Variants in STAT1 observed in about 807,000 individuals in gnomAD.
STAT1 encodes the protein signal transducer and activator of transcription 1-alpha/beta.
Under a neutral mutation model 111.7 loss-of-function variants are expected in STAT1, and 24 were observed. The ratio of observed to expected loss-of-function variants is 0.21; its 90% CI spans 0.16 to 0.30. The LOEUF (loss-of-function observed/expected upper bound fraction) is 0.30. STAT1 is among the 10% of genes least tolerant of loss of function. The pLI is 1.00. For missense variants in STAT1, 351 were observed against 911.9 expected (o/e 0.38, Z 7.92); for synonymous variants, 332 against 326.5 (o/e 1.02, Z -0.18).
In STAT1 at chr2:190,979,555, T is replaced by C. The variant is rs75111204; in HGVS notation, c.1727+217A>G. 6.6e-6 allele frequency among the ~76,000 whole-genome samples: 1 copy of C among 151,866 alleles called. No homozygotes were observed. The highest frequency in any genetic ancestry group is 1.9e-4 in the East Asian group (1 of 5,178). ...GCACTCAAGAGTTGTTTTTTTTTTT[T>C]AATTTAGCTTTGCCAATACATATAC... On this transcript the variant is annotated intron_variant, in intron 20 of 24. Coordinates refer to ENST00000361099, the MANE Select transcript of STAT1 (RefSeq NM_007315.4). The surrounding 1 kb of genome is among the most constrained non-coding windows in gnomAD (Gnocchi z 5.8).
At chr2:191,013,384 TG>T (rs1291640717) in intron 2 of STAT1, 140 bp downstream of exon 2, 10 of 329,630 alleles carry the variant, frequency 3.0e-5, no homozygotes, top group Non-Finnish European at 4.9e-5. Flanking sequence ...TATATTATTT[TG>T]GGGTGGGGGG....
Position 190,969,792 on chromosome 2 carries a change from A to T in STAT1, c.*911T>A, listed in dbSNP as rs2124974295. ...CTAATAGACTAAATACCACCCTAAT[A>T]ACAAAAAGGACAAAGTAGCCCATTT... On this transcript the variant is annotated 3_prime_UTR_variant, in exon 25 of 25. Transcript: ENST00000361099. 6.6e-6 allele frequency: 1 copy of T among 152,330 alleles called. No individual in the cohort carries two copies. The highest frequency in any genetic ancestry group is 2.4e-5 in the African/African-American group (1 of 41,580). The allele number at this position is 152,330 out of a possible 1,614,324, so 9.4% of individuals were successfully genotyped here.
In STAT1 at chr2:190,978,529, C is replaced by T. The variant is rs1413483616; in HGVS notation, c.1873+327G>A. ...CCCTAAGAGAATGTGGATGCTTACT[C>T]CTGTGGGAAATGTGATTCCTTCCAA... On this transcript the variant is annotated intron_variant, in intron 21 of 24. Transcript: ENST00000361099. This position sits in a 1 kb window ranked among gnomAD's most constrained non-coding sequence, Gnocchi z 6.1. 2 of 385,814 alleles carry T rather than the reference C, an allele frequency of 5.2e-6. No individual in the cohort carries two copies. Among genetic ancestry groups the T allele is most frequent in the East Asian group, 6.3e-5 (1 of 15,790 alleles). 23.9% of individuals were successfully genotyped at this position (385,814 alleles called of 1,614,324 possible). A position where few individuals can be genotyped will look rare whatever the true frequency, so the allele number is the denominator to read the frequency against.
At chr2:190,985,193 C>T (rs1398727736) in intron 15 of STAT1, among the ~76,000 whole-genome samples, 2 of 152,334 alleles carry the variant, frequency 1.3e-5, no homozygotes, top group Non-Finnish European at 2.9e-5. Context: ...GATGCAAAGG[C>T]AATGCTTTTG....
Position 190,982,336 on chromosome 2 carries a change from T to G in STAT1, c.1582+47A>C. 6.2e-7 allele frequency: 1 copy of G among 1,607,678 alleles called. No homozygotes were observed. Among genetic ancestry groups the G allele is most frequent in the Non-Finnish European group, 8.5e-7 (1 of 1,174,494 alleles). ...GAAAAGAGCAATTAGAGAGATATTT[T>G]TATGAATTTCAATTTTTATAAACAT... On this transcript the variant is annotated intron_variant, in intron 18 of 24. Transcript: ENST00000361099. This position sits in a 1 kb window ranked among gnomAD's most constrained non-coding sequence, Gnocchi z 7.3.
At position 190,991,257 on chromosome 2, in the gene STAT1, C is replaced by T. The variant is rs1289361621; in HGVS notation, c.1008G>A (p.Lys336=). 2 of 1,614,062 alleles carry T rather than the reference C, an allele frequency of 1.2e-6. No homozygotes were observed. The highest frequency in any genetic ancestry group is 2.7e-5 in the African/African-American group (2 of 74,924). The change falls in exon 11 of 25, where the codon AAG becomes AAA. Residue 336 remains lysine (K), a synonymous_variant. Coordinates refer to ENST00000361099, the MANE Select transcript of STAT1 (RefSeq NM_007315.4). ...ACTTCACAGTGAACTGGACCCCTGTCTTCAAGACCAGCGGCCTCTGAGGGT... is the reference window on the plus strand; with the variant it reads ...ACTTCACAGTGAACTGGACCCCTGTTTTCAAGACCAGCGGCCTCTGAGGGT... The part of the protein sequence containing the change: ...PTHPQRPLVL[K]TGVQFTVKLR...
At position 190,975,533 on chromosome 2, in the gene STAT1, T is replaced by C. The variant is rs539164572; in HGVS notation, c.2135+279A>G. On this transcript the variant is annotated intron_variant, in intron 23 of 24. Transcript: ENST00000361099. The surrounding 1 kb of genome is among the most constrained non-coding windows in gnomAD (Gnocchi z 5.9). ...AGATTGAAAAGAACTACTTTCCCAC[T>C]CTGATCAACTTTTGCTCATTTTATT... 1 of 1,301,918 alleles carries C rather than the reference T, an allele frequency of 7.7e-7. No homozygotes were observed. The highest frequency in any genetic ancestry group is 1.5e-5 in the African/African-American group (1 of 66,500). 80.6% of individuals were successfully genotyped at this position (1,301,918 alleles called of 1,614,324 possible).
At position 190,979,952 on chromosome 2, in the gene STAT1, T is replaced by C; in HGVS notation, c.1633-86A>G. ...CCCTCCCACCATCATTTGCAAAGAC[T>C]CCCCAGGTGCCAAGGATGGAACTGT... On this transcript the variant is annotated intron_variant, in intron 19 of 24. Coordinates refer to ENST00000361099, the MANE Select transcript of STAT1 (RefSeq NM_007315.4). The surrounding 1 kb of genome is among the most constrained non-coding windows in gnomAD (Gnocchi z 5.8). The C allele has an allele frequency of 1.1e-6, 1 of 881,696 alleles. No individual in the cohort carries two copies. Among genetic ancestry groups the C allele is most frequent in the South Asian group, 1.4e-5 (1 of 72,692 alleles). 54.6% of individuals were successfully genotyped at this position (881,696 alleles called of 1,614,324 possible). A position where few individuals can be genotyped will look rare whatever the true frequency, so the allele number is the denominator to read the frequency against.
rs45571039 is a variant in STAT1 at position 191,001,759 on chromosome 2, A to G, written c.373-596T>C. Among the ~76,000 whole-genome samples the G allele has an allele frequency of 2.7e-3, 417 of 152,324 alleles. 4 individuals are homozygous for G. Among genetic ancestry groups the G allele is most frequent in the African/African-American group, 9.4e-3 (389 of 41,582 alleles). On this transcript the variant is annotated intron_variant, in intron 5 of 24. Coordinates refer to ENST00000361099, the MANE Select transcript of STAT1 (RefSeq NM_007315.4). ...CTGGGAGTATTCAGTCCTATTTTTG[A>G]TAATCAGAACACTCAGAAGTGACAG...
rs1433557648 is a variant in STAT1, at chr2:191,012,376, A to C, written c.-2+1149T>G. The stretch of plus-strand genomic sequence containing the variant: ...GGTTGCAGTGAGCTGAGATCGCGCC[A>C]CTGTACTCCAGCCTGGGAGACAGAG... On this transcript the variant is annotated intron_variant, in intron 2 of 24. Transcript: ENST00000361099. The surrounding 1 kb of genome is among the most constrained non-coding windows in gnomAD (Gnocchi z 4.0). 6.6e-6 allele frequency among the ~76,000 whole-genome samples: 1 copy of C among 151,716 alleles called. No homozygotes were observed. The highest frequency in any genetic ancestry group is 1.5e-5 in the Non-Finnish European group (1 of 67,962).
chr2:191,010,251 G>A, intron 2 of STAT1: 2 of 510,470 alleles, frequency 3.9e-6, no homozygotes, highest in South Asian at 3.4e-5. Flanking sequence ...ACATATCAGG[G>A]CAGCCTTCTC....
In STAT1 at chr2:190,999,639, G is replaced by A; in HGVS notation, c.528C>T (p.Thr176=). 1.9e-6 allele frequency: 3 copies of A among 1,613,536 alleles called. No homozygotes were observed. Among genetic ancestry groups the A allele is most frequent in the Non-Finnish European group, 2.5e-6 (3 of 1,179,540 alleles). Residue 176 remains threonine, a synonymous_variant, in exon 7 of 25, where the codon ACC becomes ACT. Coordinates refer to ENST00000361099, the MANE Select transcript of STAT1 (RefSeq NM_007315.4). The surrounding 1 kb of genome is among the most constrained non-coding windows in gnomAD (Gnocchi z 4.1). ...GTGAACCCTTACCTCTGTTCTGCAA[G>A]GTTTTGCATTTGAAGTCATATTCAT... ...LQDEYDFKCK[T]LQNREHETNG... is the part of the protein sequence containing the mutation.
chr2:190,977,522 G>A lies in STAT1; in HGVS notation c.1874-497C>T, dbSNP rs898208817. On this transcript the variant is annotated intron_variant, in intron 21 of 24. Transcript: ENST00000361099. This position sits in a 1 kb window ranked among gnomAD's most constrained non-coding sequence, Gnocchi z 4.7. Reference sequence around the variant, plus strand: ...ATGATCCTATTTGCTACATTTCCCTGTAACCCTTAACGTAATAAACCATGG... The same window carrying A: ...ATGATCCTATTTGCTACATTTCCCTATAACCCTTAACGTAATAAACCATGG... Among the ~76,000 whole-genome samples the A allele has an allele frequency of 6.6e-6, 1 of 152,140 alleles. No individual in the cohort carries two copies. Among genetic ancestry groups the A allele is most frequent in the Non-Finnish European group, 1.5e-5 (1 of 68,038 alleles).
intron 2 of STAT1, among the ~76,000 whole-genome samples, chr2:191,013,315 C>T (rs1212183265): frequency 2.0e-5 from 3 of 152,164 alleles, no homozygotes; most frequent in African/African-American, 7.2e-5. Context: ...CACAATCAAC[C>T]ACACCTCTGC....
intron 10 of STAT1, among the ~76,000 whole-genome samples, chr2:190,994,811 G>A (rs959397022): frequency 2.0e-5 from 3 of 151,464 alleles, no homozygotes; most frequent in Non-Finnish European, 4.4e-5. Flanking sequence ...AGCTACTTGG[G>A]AGGCTGAGGC....
At chr2:190,988,969 T>C (rs2125042171) in intron 12 of STAT1, among the ~76,000 whole-genome samples, 1 of 152,202 alleles carries the variant, frequency 6.6e-6, no homozygotes, top group South Asian at 2.1e-4. Flanking sequence ...AGTCCAGGTC[T>C]AGGGTCTCAG....
rs1693848713 is a variant in STAT1 at position 190,996,261 on chromosome 2, A to G, written c.786-1042T>C. Among the ~76,000 whole-genome samples the G allele has an allele frequency of 6.6e-6, 1 of 152,112 alleles. No homozygotes were observed. The highest frequency in any genetic ancestry group is 2.4e-5 in the African/African-American group (1 of 41,338). On this transcript the variant is annotated intron_variant, in intron 9 of 24. Transcript: ENST00000361099. This position sits in a 1 kb window ranked among gnomAD's most constrained non-coding sequence, Gnocchi z 4.5. ...AGGCTGGGGAAACGCTGTTTTATTC[A>G]CTTGCAGTAATGACAGAAGAAAACC...
In STAT1 at chr2:190,990,177, G is replaced by A. The variant is rs1260547316; in HGVS notation, c.1038-503C>T. On this transcript the variant is annotated intron_variant, in intron 11 of 24. Coordinates refer to ENST00000361099, the MANE Select transcript of STAT1 (RefSeq NM_007315.4). This position sits in a 1 kb window ranked among gnomAD's most constrained non-coding sequence, Gnocchi z 5.1. ...AAAGATGGAGGGCAGGTGAGAGGGT[G>A]TACCTCTGCTCCACTGAGCTGGAGA... 6.6e-6 allele frequency among the ~76,000 whole-genome samples: 1 copy of A among 152,190 alleles called. No individual in the cohort carries two copies. Among genetic ancestry groups the A allele is most frequent in the East Asian group, 1.9e-4 (1 of 5,200 alleles).
intron 10 of STAT1, 148 bp from the exon 11 acceptor site, chr2:190,991,468 G>T (rs956617593): frequency 1.3e-6 from 1 of 769,958 alleles, no homozygotes; most frequent in Admixed American, 2.1e-5. Context: ...TGAACAAAGT[G>T]ATATTTTCTA....
Sources: gnomAD v4.1 joint callset for allele counts (sites outside exome capture counted in the v4.1 genomes callset) on GRCh38, gnomAD v4.1.1 for gene constraint, Gnocchi (gnomAD v3.1) non-coding constraint, MANE v1.5 for transcripts, NCBI Gene and HGNC (gene_info 2026-07-23, HGNC 2026-07-21) for gene names.